ADAMTSL3: variants seen among roughly 807,000 people sequenced by gnomAD.
ADAMTSL3 encodes ADAMTS like 3.
Under a neutral mutation model 201.7 loss-of-function variants are expected in ADAMTSL3, and 128 were observed. That is an observed-to-expected ratio of 0.63 (90% CI 0.55 to 0.73). ADAMTSL3 has a LOEUF of 0.73. Ranked by LOEUF, ADAMTSL3 falls within the 30% of genes least tolerant of loss-of-function variation. The pLI, the probability that ADAMTSL3 is intolerant of heterozygous loss-of-function variation, is 0.00. For synonymous variants in ADAMTSL3, 738 were observed against 748.4 expected, an observed-to-expected ratio of 0.99 and a Z score of 0.23; for missense variants, 1,990 against 2,119.6, an observed-to-expected ratio of 0.94 and a Z score of 1.20.
At chr15:83,674,678 CATATATACATATATACACAT>C (rs1567063969) in intron 2 of ADAMTSL3, among the ~76,000 whole-genome samples, 10 of 57,466 alleles carry the variant, frequency 1.7e-4, no homozygotes, top group South Asian at 1.3e-3. Context: ...TATATACACA[CATATATACATATATACACAT>C]ATATATACAT....
At chr15:83,678,677 A>T (rs11854647) in intron 2 of ADAMTSL3, among the ~76,000 whole-genome samples, 40,816 of 147,596 alleles carry the variant, frequency 0.28, 5,895 homozygotes, top group South Asian at 0.49. Context: ...TTTTCCCCCA[A>T]ATTGGGAAAA....
intron 14 of ADAMTSL3, among the ~76,000 whole-genome samples, chr15:83,899,413 TGTATCATG>T: frequency 1.1e-5 from 1 of 87,034 alleles, no homozygotes; most frequent in African/African-American, 7.4e-5. Flanking sequence ...CATTTTCAAC[TGTATCATG>T]TGATCATTTT....
chr15:83,879,363 C>T (rs1397483177), intron 9 of ADAMTSL3, among the ~76,000 whole-genome samples: 1 of 151,948 alleles, frequency 6.6e-6, no homozygotes, highest in African/African-American at 2.4e-5. Flanking sequence ...TTCATCTTTT[C>T]TCCCTAAAAC....
intron 3 of ADAMTSL3, among the ~76,000 whole-genome samples, chr15:83,712,295 T>C (rs2061944231): frequency 6.6e-6 from 1 of 152,324 alleles, no homozygotes; most frequent in East Asian, 1.9e-4. Flanking sequence ...CATCGTCCCC[T>C]CATGGTCAAC....
intron 19 of ADAMTSL3, among the ~76,000 whole-genome samples, chr15:83,943,355 AG>A (rs2066599408): frequency 6.6e-6 from 1 of 152,210 alleles, no homozygotes; most frequent in African/African-American, 2.4e-5. Context: ...TGGAACTACC[AG>A]GATCATAGTA....
At chr15:84,003,181 G>A (rs994200608) in intron 23 of ADAMTSL3, among the ~76,000 whole-genome samples, 7 of 151,798 alleles carry the variant, frequency 4.6e-5, no homozygotes, top group African/African-American at 1.7e-4. Flanking sequence ...GAACTCCTAG[G>A]CTCAAGCAAC....
rs542855021 is a variant in ADAMTSL3 at position 83,760,810 on chromosome 15, G to A, written c.190-12713G>A. On this transcript the variant is annotated intron_variant, in intron 3 of 29. Coordinates refer to ENST00000286744, the MANE Select transcript of ADAMTSL3 (RefSeq NM_207517.3). ...GATTTATTTTGGTTAGTAGGCTTAT[G>A]GTAAGTATTTTTTTCAATCTTTTAT... Among the ~76,000 whole-genome samples, 444 of 152,006 alleles carry A rather than the reference G, an allele frequency of 2.9e-3. 1 individual carries two copies. The highest frequency in any genetic ancestry group is 5.7e-3 in the Non-Finnish European group (389 of 67,896).
intron 2 of ADAMTSL3, among the ~76,000 whole-genome samples, chr15:83,668,487 ATTT>A (rs2061280560): frequency 6.6e-6 from 1 of 151,334 alleles, no homozygotes; most frequent in Admixed American, 6.6e-5. Flanking sequence ...TATGTAAATT[ATTT>A]TTTATTTCTG....
intron 25 of ADAMTSL3, among the ~76,000 whole-genome samples, chr15:84,018,485 C>G (rs1005491035): frequency 8.5e-5 from 13 of 152,146 alleles, no homozygotes; most frequent in African/African-American, 3.1e-4. Context: ...ATGAGATACA[C>G]AGTGATAGGA....
chr15:83,946,069 G>A (rs1419649544), intron 19 of ADAMTSL3, among the ~76,000 whole-genome samples: 1 of 152,204 alleles, frequency 6.6e-6, no homozygotes, highest in Non-Finnish European at 1.5e-5. Context: ...GCTTGTTTCT[G>A]GATGCAGCGA....
intron 2 of ADAMTSL3, among the ~76,000 whole-genome samples, chr15:83,692,481 C>T (rs999242525): frequency 2.6e-5 from 4 of 151,700 alleles, no homozygotes; most frequent in African/African-American, 4.8e-5. Flanking sequence ...GTCAGGAGAT[C>T]GAGACCATCC....
At position 83,923,885 on chromosome 15, in the gene ADAMTSL3, T is replaced by C; in HGVS notation, c.1988-19T>C. 3 of 1,613,030 alleles carry C rather than the reference T, an allele frequency of 1.9e-6. No individual in the cohort carries two copies. Among genetic ancestry groups the C allele is most frequent in the Non-Finnish European group, 2.5e-6 (3 of 1,179,366 alleles). ...ATTATTCCATGTCATTTGCATTTTT[T>C]CCTCTTTCTAACCTGCAGGCCATCA... On this transcript the variant is annotated intron_variant, in intron 16 of 29. Transcript: ENST00000286744.
chr15:83,937,995 A>G (rs893917966), intron 17 of ADAMTSL3, among the ~76,000 whole-genome samples: 9 of 151,054 alleles, frequency 6.0e-5, no homozygotes, highest in Non-Finnish European at 1.2e-4. Flanking sequence ...TACCAAAGTC[A>G]TGTCTGGTTA....
Position 83,672,950 on chromosome 15 carries a change from C to G in ADAMTSL3, c.69+17120C>G, listed in dbSNP as rs531334809. ...TCCTTCCCGTCCCTGGGAGGTCCAG[C>G]ATGTGGCAGGCATCATTGTTCACAG... On this transcript the variant is annotated intron_variant, in intron 2 of 29. Coordinates refer to ENST00000286744, the MANE Select transcript of ADAMTSL3 (RefSeq NM_207517.3). Among the ~76,000 whole-genome samples, 28 of 152,336 alleles carry G rather than the reference C, an allele frequency of 1.8e-4. No homozygotes were observed. In the South Asian group the frequency reaches 5.4e-3, roughly 29 times the overall value.
chr15:83,857,915 C>T (rs1258814889), intron 7 of ADAMTSL3, among the ~76,000 whole-genome samples: 1 of 152,126 alleles, frequency 6.6e-6, no homozygotes, highest in African/African-American at 2.4e-5. Flanking sequence ...AGAGAGGGGA[C>T]TAGTGAGATA....
At chr15:83,951,762 T>G (rs1284100885) in intron 19 of ADAMTSL3, among the ~76,000 whole-genome samples, 2 of 152,170 alleles carry the variant, frequency 1.3e-5, no homozygotes, top group African/African-American at 2.4e-5. Flanking sequence ...GTCTAGGAAT[T>G]TAGCCATTTC....
intron 2 of ADAMTSL3, among the ~76,000 whole-genome samples, chr15:83,660,334 T>C (rs1595982642): frequency 1.3e-5 from 2 of 152,248 alleles, no homozygotes; most frequent in Admixed American, 6.5e-5. Flanking sequence ...ATCATGTCAA[T>C]CATGGGCAGT....
In ADAMTSL3 at chr15:83,797,000, G is replaced by A. The variant is rs1261161796; in HGVS notation, c.318-7650G>A. Among the ~76,000 whole-genome samples, 8 of 151,890 alleles carry A rather than the reference G, an allele frequency of 5.3e-5. No homozygotes were observed. The East Asian group carries it at 1.2e-3, about 22-fold the overall frequency. On this transcript the variant is annotated intron_variant, in intron 4 of 29. Coordinates refer to ENST00000286744, the MANE Select transcript of ADAMTSL3 (RefSeq NM_207517.3). Reference sequence around the variant, plus strand: ...GTGATTTCTAGAGAGTGAAATATTCGCTAACTAAGATACAAAAAGTTTGAG... The same window carrying A: ...GTGATTTCTAGAGAGTGAAATATTCACTAACTAAGATACAAAAAGTTTGAG...
chr15:83,760,536 T>C (rs1166517640), intron 3 of ADAMTSL3, among the ~76,000 whole-genome samples: 1 of 152,186 alleles, frequency 6.6e-6, no homozygotes, highest in African/African-American at 2.4e-5. Context: ...CCATATTCTG[T>C]ATCGTTACTT....
Sources: allele counts gnomAD v4.1 joint callset (sites outside exome capture counted in the v4.1 genomes callset), GRCh38; gene constraint gnomAD v4.1.1; transcripts MANE v1.5; gene names NCBI Gene and HGNC (gene_info 2026-07-23, HGNC 2026-07-21).